PTPRR: variants seen among roughly 807,000 people sequenced by gnomAD.
PTPRR encodes the protein protein tyrosine phosphatase receptor type R.
Under a neutral mutation model 77.2 loss-of-function variants are expected in PTPRR, and 38 were observed. That is an observed-to-expected ratio of 0.49 (90% CI 0.38 to 0.65). PTPRR has a LOEUF of 0.65. Ranked by LOEUF, PTPRR falls within the 30% of genes least tolerant of loss-of-function variation. The probability of loss-of-function intolerance (pLI) is 0.00; values close to 1 mark genes in which losing one functional copy is unlikely to be tolerated. For synonymous variants in PTPRR, 299 were observed against 283.1 expected, an observed-to-expected ratio of 1.06 and a Z score of -0.57; for missense variants, 744 against 799.2, an observed-to-expected ratio of 0.93 and a Z score of 0.83.
At chr12:70,682,237 G>T (rs1001222621) in intron 10 of PTPRR, among the ~76,000 whole-genome samples, 1 of 151,180 alleles carries the variant, frequency 6.6e-6, no homozygotes, top group Non-Finnish European at 1.5e-5. Context: ...TAGAGACGGG[G>T]TTTCACCGTG....
chr12:70,911,133 T>C (rs1206137468), intron 1 of PTPRR, among the ~76,000 whole-genome samples: 1 of 152,166 alleles, frequency 6.6e-6, no homozygotes, highest in Non-Finnish European at 1.5e-5. Flanking sequence ...GTTCTTCCCA[T>C]ACCCATGCCC....
intron 2 of PTPRR, among the ~76,000 whole-genome samples, chr12:70,807,832 A>G (rs1434636003): frequency 6.6e-6 from 1 of 152,144 alleles, no homozygotes; most frequent in African/African-American, 2.4e-5. Context: ...ATGTCACCTC[A>G]GGACTCTGTG....
intron 8 of PTPRR, among the ~76,000 whole-genome samples, chr12:70,685,930 G>T (rs1887851606): frequency 6.6e-6 from 1 of 152,174 alleles, no homozygotes; most frequent in Non-Finnish European, 1.5e-5. Context: ...GTAGGTAATG[G>T]AGTCAGGCTT....
intron 1 of PTPRR, among the ~76,000 whole-genome samples, chr12:70,897,553 G>A (rs904043341): frequency 1.3e-5 from 2 of 151,944 alleles, no homozygotes; most frequent in African/African-American, 4.8e-5. Context: ...TTACACTGTT[G>A]GTGGGACTGT....
chr12:70,759,673 C>G (rs1354666245), intron 4 of PTPRR, among the ~76,000 whole-genome samples: 1 of 105,192 alleles, frequency 9.5e-6, no homozygotes, highest in African/African-American at 3.8e-5. Flanking sequence ...GAGCAAGACT[C>G]CGTCTTAAAA....
At chr12:70,784,908 A>G (rs7957902) in intron 2 of PTPRR, among the ~76,000 whole-genome samples, 1,752 of 152,276 alleles carry the variant, frequency 0.012, 33 homozygotes, top group African/African-American at 0.04. Flanking sequence ...TGATTATTAC[A>G]CTTGTCAAGG....
Position 70,892,816 on chromosome 12 carries a change from C to T in PTPRR, c.220G>A (p.Val74Ile), listed in dbSNP as rs1450025902. The T allele has an allele frequency of 1.2e-5, 19 of 1,613,390 alleles. No individual in the cohort carries two copies. Among genetic ancestry groups the T allele is most frequent in the Non-Finnish European group, 1.6e-5 (19 of 1,179,596 alleles). The stretch of plus-strand genomic sequence containing the variant: ...TTGACAATCTGGTGGCGTTTGCTTA[C>T]TTGAGCTTCGGAAGAGGAATGGTAG... ...HSYHSSSEAQ[V>I]SKRHQIVNSA... The change falls in exon 2 of 14, where the codon GTA becomes ATA. Residue 74 changes from valine to isoleucine, a missense_variant. Around this residue, in one of 3 missense-constraint regions of PTPRR, gnomAD observed 570 missense variants for 573.2 expected, o/e 0.99. Coordinates refer to ENST00000283228, the MANE Select transcript of PTPRR (RefSeq NM_002849.4).
In PTPRR at chr12:70,919,446, G is replaced by T. The variant is rs563581802; in HGVS notation, c.58+887C>A. Among the ~76,000 whole-genome samples the T allele has an allele frequency of 5.3e-5, 8 of 152,314 alleles. No homozygotes were observed. In the South Asian group the frequency reaches 1.7e-3, roughly 32 times the overall value. ...ATAAGGAATTCAGCCTAGCAAGTCT[G>T]TCTGCATTAAATAGAGGTGCTATGT... On this transcript the variant is annotated intron_variant, in intron 1 of 13. Coordinates refer to ENST00000283228, the MANE Select transcript of PTPRR (RefSeq NM_002849.4).
At chr12:70,767,960 A>G (rs1890869975) in intron 2 of PTPRR, among the ~76,000 whole-genome samples, 1 of 152,090 alleles carries the variant, frequency 6.6e-6, no homozygotes, top group Admixed American at 6.5e-5. Context: ...TGTTCTTTGA[A>G]ACCAATGAGA....
chr12:70,899,060 AAG>A (rs1213981431), intron 1 of PTPRR, among the ~76,000 whole-genome samples: 3 of 151,612 alleles, frequency 2.0e-5, no homozygotes, highest in Non-Finnish European at 4.4e-5. Context: ...AAAATTATAA[AAG>A]AAATGAAATT....
intron 2 of PTPRR, among the ~76,000 whole-genome samples, chr12:70,790,082 C>T (rs1056587414): frequency 6.6e-6 from 1 of 152,124 alleles, no homozygotes; most frequent in African/African-American, 2.4e-5. Flanking sequence ...ACCCTTTCTA[C>T]TAGATTTTTC....
intron 4 of PTPRR, among the ~76,000 whole-genome samples, chr12:70,759,999 T>C (rs542928661): frequency 9.9e-5 from 15 of 152,226 alleles, no homozygotes; most frequent in African/African-American, 3.6e-4. Context: ...TTGGGTATGT[T>C]TGGAAACAGA....
At chr12:70,688,137 G>A (rs929102752) in intron 8 of PTPRR, among the ~76,000 whole-genome samples, 1 of 152,112 alleles carries the variant, frequency 6.6e-6, no homozygotes, top group Admixed American at 6.5e-5. Context: ...TTTTTTAAGA[G>A]TGTCTTCCAG....
chr12:70,686,696 G>C (rs761510077), intron 8 of PTPRR, among the ~76,000 whole-genome samples: 2 of 152,102 alleles, frequency 1.3e-5, no homozygotes, highest in Non-Finnish European at 2.9e-5. Context: ...AAATAGTGGG[G>C]AACTGAGGCC....
At chr12:70,910,530 T>C (rs927021746) in intron 1 of PTPRR, among the ~76,000 whole-genome samples, 2 of 152,220 alleles carry the variant, frequency 1.3e-5, no homozygotes, top group African/African-American at 2.4e-5. Flanking sequence ...ATTTGTCTTT[T>C]CCATATGAAA....
chr12:70,687,594 G>T (rs1275971787), intron 8 of PTPRR, among the ~76,000 whole-genome samples: 3 of 152,126 alleles, frequency 2.0e-5, no homozygotes, highest in East Asian at 3.9e-4. Context: ...CAAGAATCCT[G>T]TTGATCGAGG....
At chr12:70,827,709 CTTTTTTTTTTTT>C (rs869285373) in intron 2 of PTPRR, among the ~76,000 whole-genome samples, 10 of 63,870 alleles carry the variant, frequency 1.6e-4, no homozygotes, top group African/African-American at 1.9e-4. Context: ...CCACACCTGG[CTTTTTTTTTTTT>C]TTTTTTTTTT....
intron 2 of PTPRR, among the ~76,000 whole-genome samples, chr12:70,794,197 A>G (rs1891470177): frequency 6.6e-6 from 1 of 152,226 alleles, no homozygotes; most frequent in South Asian, 2.1e-4. Flanking sequence ...TCACATTATA[A>G]ATATATTTTG....
At chr12:70,759,679 T>TAAAAAAA (rs34011060) in intron 4 of PTPRR, among the ~76,000 whole-genome samples, 31 of 34,428 alleles carry the variant, frequency 9.0e-4, no homozygotes, top group Non-Finnish European at 1.2e-3. Context: ...GACTCCGTCT[T>TAAAAAAA]AAAAAAAAAA....
Sources: allele counts gnomAD v4.1 joint callset (sites outside exome capture counted in the v4.1 genomes callset), GRCh38; gene constraint gnomAD v4.1.1; regional missense constraint gnomAD v4.1.1; transcripts MANE v1.5; gene names NCBI Gene and HGNC (gene_info 2026-07-23, HGNC 2026-07-21).